SLC26A4: variants seen among roughly 807,000 people sequenced by gnomAD.
SLC26A4 encodes the protein solute carrier family 26 member 4, also known as pendrin.
SLC26A4 carries 93 observed loss-of-function variants against 90.4 expected under a neutral mutation model. The observed-to-expected ratio is 1.03, with a 90% CI of 0.87 to 1.22. The LOEUF (loss-of-function observed/expected upper bound fraction) is 1.22. Among genes scored for constraint, SLC26A4 ranks in the 50% most tolerant of loss-of-function variants. The pLI, the probability that SLC26A4 is intolerant of heterozygous loss-of-function variation, is 0.00. For missense variants in SLC26A4, 1,127 were observed against 946.2 expected, an observed-to-expected ratio of 1.19 and a Z score of -2.51; for synonymous variants, 393 against 354.6, an observed-to-expected ratio of 1.11 and a Z score of -1.22.
At position 107,662,005 on chromosome 7, in the gene SLC26A4, G is replaced by A. The variant is rs190864549; in HGVS notation, c.164+200G>A. 2.5e-4 allele frequency: 156 copies of A among 620,320 alleles called. 1 individual carries two copies. Among genetic ancestry groups the A allele is most frequent in the East Asian group, 2.5e-3 (87 of 35,374 alleles). The allele number at this position is 620,320 out of a possible 1,614,324, so 38.4% of individuals were successfully genotyped here. On this transcript the variant is annotated intron_variant, in intron 2 of 20. Transcript: ENST00000644269. ...GTGGGAGGGTGGCTCCATCAGTCTC[G>A]GGCCCGAAATGAACTTACCTGGGAA... is the stretch of plus-strand genomic sequence containing the variant.
intron 14 of SLC26A4, among the ~76,000 whole-genome samples, chr7:107,698,464 G>A (rs576086900): frequency 1.3e-5 from 2 of 152,132 alleles, no homozygotes; most frequent in Non-Finnish European, 2.9e-5. Flanking sequence ...TTACAGGCAG[G>A]TGCCACCACG....
chr7:107,687,449 A>T (rs1791451219), intron 8 of SLC26A4, among the ~76,000 whole-genome samples: 1 of 152,216 alleles, frequency 6.6e-6, no homozygotes, highest in Non-Finnish European at 1.5e-5. Context: ...TATACCAAGA[A>T]CCTACTATAT....
intron 6 of SLC26A4, among the ~76,000 whole-genome samples, chr7:107,678,494 C>T (rs1791084311): frequency 6.6e-6 from 1 of 152,158 alleles, no homozygotes; most frequent in Admixed American, 6.5e-5. Context: ...TAAGAAGAAA[C>T]TTTCTGCAAA....
At chr7:107,669,511 T>C (rs1790808198) in intron 3 of SLC26A4, among the ~76,000 whole-genome samples, 1 of 152,232 alleles carries the variant, frequency 6.6e-6, no homozygotes, top group African/African-American at 2.4e-5. Flanking sequence ...CTTCTTTTCT[T>C]ATCTTCCTTC....
Position 107,690,248 on chromosome 7 carries a change from C to T in SLC26A4, c.1263+11C>T, listed in dbSNP as rs773515356. 14 of 1,444,476 alleles carry T rather than the reference C, an allele frequency of 9.7e-6. No homozygotes were observed. In the African/African-American group the frequency reaches 1.1e-4, roughly 12 times the overall value. The allele number at this position is 1,444,476 out of a possible 1,614,324, so 89.5% of individuals were successfully genotyped here. On this transcript the variant is annotated intron_variant, in intron 10 of 20. Transcript: ENST00000644269. ...GGAGGAAAGACACAGGTAGGAACAA[C>T]AGCCTTATGATATCCATCTCAGAGA...
intron 8 of SLC26A4, among the ~76,000 whole-genome samples, chr7:107,688,646 C>G (rs1036292317): frequency 3.3e-5 from 5 of 152,212 alleles, no homozygotes; most frequent in Non-Finnish European, 5.9e-5. Context: ...GATACCTCTT[C>G]AAACACAGTA....
chr7:107,712,012 C>T (rs954795270), intron 19 of SLC26A4, among the ~76,000 whole-genome samples: 1 of 152,170 alleles, frequency 6.6e-6, no homozygotes, highest in African/African-American at 2.4e-5. Context: ...CGTTGGTTTC[C>T]TCTGTGTAGA....
intron 17 of SLC26A4, among the ~76,000 whole-genome samples, chr7:107,703,673 G>A (rs1244808513): frequency 6.6e-6 from 1 of 152,140 alleles, no homozygotes; most frequent in Non-Finnish European, 1.5e-5. Context: ...ATATTATAAT[G>A]ACAGTTATGA....
intron 6 of SLC26A4, among the ~76,000 whole-genome samples, chr7:107,677,277 C>T (rs1049547904): frequency 2.6e-5 from 4 of 152,146 alleles, no homozygotes; most frequent in Admixed American, 6.6e-5. Flanking sequence ...CTTGGTTCTC[C>T]ACCCACTACC....
At chr7:107,680,257 A>T (rs1447024160) in intron 6 of SLC26A4, among the ~76,000 whole-genome samples, 1 of 124,272 alleles carries the variant, frequency 8.0e-6, no homozygotes, top group Non-Finnish European at 1.6e-5. Flanking sequence ...ATCTTATTAT[A>T]TAATCTTATC....
At position 107,663,364 on chromosome 7, in the gene SLC26A4, A is replaced by G. The variant is rs2129309178; in HGVS notation, c.233A>G (p.Tyr78Cys). Residue 78 changes from tyrosine to cysteine, a missense_variant, in exon 3 of 21, where the codon TAC becomes TGC. Coordinates refer to ENST00000644269, the MANE Select transcript of SLC26A4 (RefSeq NM_000441.2). ...LVPILEWLPKYRVKEWLLSDV... is the reference protein window; with the variant it reads ...LVPILEWLPKCRVKEWLLSDV... ...CCCATCTTGGAGTGGCTCCCCAAAT[A>G]CCGAGTCAAGGAATGGCTGCTTAGT... 1.9e-6 allele frequency: 3 copies of G among 1,614,104 alleles called. No individual in the cohort carries two copies. Among genetic ancestry groups the G allele is most frequent in the Non-Finnish European group, 2.5e-6 (3 of 1,179,992 alleles).
At chr7:107,676,296 T>C in intron 6 of SLC26A4, among the ~76,000 whole-genome samples, 1 of 152,228 alleles carries the variant, frequency 6.6e-6, no homozygotes, top group East Asian at 1.9e-4. Context: ...AGGAGTTATT[T>C]TGAAATGATT....
intron 15 of SLC26A4, among the ~76,000 whole-genome samples, chr7:107,700,872 T>C (rs1348976669): frequency 6.6e-6 from 1 of 152,184 alleles, no homozygotes; most frequent in Non-Finnish European, 1.5e-5. Context: ...GTTTTGTCTT[T>C]TACTGTCTTG....
rs750745954 is a variant in SLC26A4 at position 107,661,743 on chromosome 7, A to G, written c.102A>G (p.Gln34=). The stretch of plus-strand genomic sequence containing the variant: ...TCTACAGCGAGCTCGCTTTCCAGCA[A>G]CAGCACGAGCGGCGCCTGCAGGAGC... ...RPVYSELAFQ[Q]QHERRLQERK... is the part of the protein sequence containing the mutation. The change falls in exon 2 of 21, where the codon CAA becomes CAG. Residue 34 remains glutamine, a synonymous_variant. Coordinates refer to ENST00000644269, the MANE Select transcript of SLC26A4 (RefSeq NM_000441.2). The surrounding 1 kb of genome is among the most constrained non-coding windows in gnomAD (Gnocchi z 5.1). The G allele has an allele frequency of 1.3e-6, 2 of 1,551,160 alleles. No homozygotes were observed. Among genetic ancestry groups the G allele is most frequent in the African/African-American group, 1.4e-5 (1 of 73,692 alleles).
At chr7:107,670,040 T>C (rs2129310711) in intron 3 of SLC26A4, among the ~76,000 whole-genome samples, 1 of 152,280 alleles carries the variant, frequency 6.6e-6, no homozygotes, top group Non-Finnish European at 1.5e-5. Context: ...TGAAAGTTTA[T>C]TATATTATTC....
chr7:107,681,801 T>C (rs1276511483), intron 6 of SLC26A4, among the ~76,000 whole-genome samples: 2 of 152,016 alleles, frequency 1.3e-5, no homozygotes. Flanking sequence ...AAGATTTTTT[T>C]TGGCCAGTTG....
chr7:107,694,758 G>T (rs1352554531), intron 12 of SLC26A4, 42 bp downstream of exon 12: 1 of 1,310,880 alleles, frequency 7.6e-7, no homozygotes, highest in Non-Finnish European at 1.1e-6. Flanking sequence ...ATAAGATTTG[G>T]TTCTTATATG....
At chr7:107,664,073 T>C (rs554362863) in intron 3 of SLC26A4, among the ~76,000 whole-genome samples, 89 of 152,200 alleles carry the variant, frequency 5.8e-4, no homozygotes, top group Non-Finnish European at 7.5e-4. Context: ...ATGTGTTACA[T>C]CCTGATATAT....
rs1353648705 is a variant in SLC26A4 at position 107,679,932 on chromosome 7, A to ATC, written c.766-3269_766-3268insCT. 4.1e-4 allele frequency among the ~76,000 whole-genome samples: 57 copies of ATC among 139,544 alleles called. 5 individuals are homozygous for ATC. Among genetic ancestry groups the ATC allele is most frequent in the African/African-American group, 1.3e-3 (49 of 38,216 alleles). The allele number at this position is 139,544 out of a possible 152,430, so 91.5% of individuals were successfully genotyped here. On this transcript the variant is annotated intron_variant, in intron 6 of 20. Coordinates refer to ENST00000644269, the MANE Select transcript of SLC26A4 (RefSeq NM_000441.2). Reference sequence around the variant, plus strand: ...ATATGCTCTTATATAATATAATCTTATTATATAATCTTATCTTATATAATA... The same window carrying ATC: ...ATATGCTCTTATATAATATAATCTTATCTTATATAATCTTATCTTATATAATA...
Sources: allele counts gnomAD v4.1 joint callset (sites outside exome capture counted in the v4.1 genomes callset), GRCh38; gene constraint gnomAD v4.1.1; non-coding constraint Gnocchi (gnomAD v3.1); transcripts MANE v1.5; gene names NCBI Gene and HGNC (gene_info 2026-07-23, HGNC 2026-07-21).